The following USH2A variants were observed in gnomAD, a reference collection of about 807,000 sequenced individuals.
The protein encoded by USH2A is usherin.
In USH2A, 443 loss-of-function variants were observed where a neutral mutation model predicts 538.9. The observed-to-expected ratio is 0.82, with a 90% CI of 0.76 to 0.89. The LOEUF (loss-of-function observed/expected upper bound fraction) is 0.89. Among genes scored for constraint, USH2A ranks in the 40% least tolerant of loss-of-function variants. USH2A has a pLI of 0.00. For synonymous variants in USH2A, 2,413 were observed against 2,273.5 expected, an observed-to-expected ratio of 1.06 and a Z score of -1.75; for missense variants, 6,633 against 6,324.8, an observed-to-expected ratio of 1.05 and a Z score of -1.65.
chr1:215,647,966 G>T (rs1656914901), intron 66 of USH2A, among the ~76,000 whole-genome samples: 1 of 152,164 alleles, frequency 6.6e-6, no homozygotes, highest in Non-Finnish European at 1.5e-5. Context: ...CACACACATT[G>T]CTGTTTACCC....
intron 55 of USH2A, among the ~76,000 whole-genome samples, chr1:215,767,812 A>G (rs771306456): frequency 1.3e-5 from 2 of 152,186 alleles, no homozygotes; most frequent in Non-Finnish European, 2.9e-5. Flanking sequence ...AAGCAACTTT[A>G]AAGCTCAGCA....
rs75206702 is a variant in USH2A, at chr1:216,122,486, T to A, written c.4628-25273A>T. ...AGAGTCCAAAGATGAGTGCAGGGGA[T>A]CAACTTTAGTCGAGGGTGCAGCCTG... is the stretch of plus-strand genomic sequence containing the variant. On this transcript the variant is annotated intron_variant, in intron 21 of 71. Coordinates refer to ENST00000307340, the MANE Select transcript of USH2A (RefSeq NM_206933.4). Among the ~76,000 whole-genome samples, 708 of 152,216 alleles carry A rather than the reference T, an allele frequency of 4.7e-3. 4 individuals carry two copies. The highest frequency in any genetic ancestry group is 0.016 in the African/African-American group (671 of 41,536).
chr1:216,175,233 C>G lies in USH2A; in HGVS notation c.4627+19G>C. 6.2e-7 allele frequency: 1 copy of G among 1,613,300 alleles called. No homozygotes were observed. The highest frequency in any genetic ancestry group is 8.5e-7 in the Non-Finnish European group (1 of 1,179,626). On this transcript the variant is annotated intron_variant, in intron 21 of 71. Transcript: ENST00000307340. ...GGAGCTTCGTGTCTCCTAAATAAAG[C>G]AATGTCAAACACACTTACCAGTGAA... is the stretch of plus-strand genomic sequence containing the variant.
At chr1:215,788,976 A>G (rs1661892607) in intron 51 of USH2A, among the ~76,000 whole-genome samples, 1 of 151,318 alleles carries the variant, frequency 6.6e-6, no homozygotes, top group African/African-American at 2.4e-5. Flanking sequence ...CACAGGAAAG[A>G]GGTAAAAGGA....
At chr1:215,754,660 ATAGCTGAT>A (rs59571647) in intron 58 of USH2A, among the ~76,000 whole-genome samples, 7,805 of 152,250 alleles carry the variant, frequency 0.051, 428 homozygotes, top group African/African-American at 0.13. Flanking sequence ...AACACTAACA[ATAGCTGAT>A]GAGCTAAAAC....
At chr1:215,681,476 G>A (rs988638629) in intron 61 of USH2A, among the ~76,000 whole-genome samples, 6 of 152,174 alleles carry the variant, frequency 3.9e-5, no homozygotes, top group African/African-American at 1.4e-4. Flanking sequence ...ATGTTTGAAT[G>A]TGATACATGG....
chr1:216,231,233 CATAT>C (rs370102534), intron 14 of USH2A, among the ~76,000 whole-genome samples: 1 of 49,332 alleles, frequency 2.0e-5, no homozygotes, highest in African/African-American at 7.6e-5. Context: ...ACATATATCC[CATAT>C]ATATATATAT....
intron 3 of USH2A, among the ~76,000 whole-genome samples, chr1:216,407,957 T>C (rs1361634380): frequency 6.6e-6 from 1 of 152,050 alleles, no homozygotes; most frequent in African/African-American, 2.4e-5. Flanking sequence ...CATTGGAACA[T>C]AGTCTTCTAT....
At chr1:215,793,426 G>A (rs536137640) in intron 50 of USH2A, among the ~76,000 whole-genome samples, 2 of 152,130 alleles carry the variant, frequency 1.3e-5, no homozygotes, top group East Asian at 3.9e-4. Flanking sequence ...TAACATTTGT[G>A]GCAGAGCATG....
Position 215,779,901 on chromosome 1 carries a change from C to T in USH2A, c.10881G>A (p.Gln3627=), listed in dbSNP as rs757190680. 4 of 1,614,026 alleles carry T rather than the reference C, an allele frequency of 2.5e-6. No individual in the cohort carries two copies. The Admixed American group carries it at 5.0e-5, about 20-fold the overall frequency. ...NGVIKEYQIR[Q]VGKGLIHTDT... ...CAGTGTGGATGAGACCTTTCCCAAC[C>T]TGCCTGATCTGGTACTCTTTAATGA... The change falls in exon 55 of 72, where the codon CAG becomes CAA. Residue 3627 remains glutamine (Q), a synonymous_variant. Transcript: ENST00000307340.
At chr1:215,745,339 A>C (rs569336998) in intron 58 of USH2A, among the ~76,000 whole-genome samples, 9 of 152,212 alleles carry the variant, frequency 5.9e-5, no homozygotes, top group Non-Finnish European at 1.2e-4. Context: ...TGGGAAATGA[A>C]TAGTGGCTTA....
intron 49 of USH2A, 71 bp from the exon 50 acceptor site, chr1:215,799,196 A>G: frequency 1.4e-6 from 2 of 1,440,194 alleles, no homozygotes; most frequent in Middle Eastern, 2.1e-4. Flanking sequence ...ATTAACTTTT[A>G]TCACAATCAT....
rs2036062637 is a variant in USH2A at position 216,246,969 on chromosome 1, T to G, written c.2425A>C (p.Asn809His). Reference protein sequence around the residue: ...TAGSLPGTVCNAKTGQCICKP... With the variant: ...TAGSLPGTVCHAKTGQCICKP... ...CAGATGCACTGCCCTGTCTTAGCATTACAGACAGTCCCAGGGAGGGATCCA... is the reference window on the plus strand; with the variant it reads ...CAGATGCACTGCCCTGTCTTAGCATGACAGACAGTCCCAGGGAGGGATCCA... Residue 809 changes from asparagine to histidine, a missense_variant, in exon 13 of 72, where the codon AAT becomes CAT. Coordinates refer to ENST00000307340, the MANE Select transcript of USH2A (RefSeq NM_206933.4). 6.2e-7 allele frequency: 1 copy of G among 1,614,112 alleles called. No homozygotes were observed. Among genetic ancestry groups the G allele is most frequent in the Non-Finnish European group, 8.5e-7 (1 of 1,179,992 alleles).
At chr1:216,200,808 T>C (rs1474130461) in intron 16 of USH2A, among the ~76,000 whole-genome samples, 1 of 152,124 alleles carries the variant, frequency 6.6e-6, no homozygotes, top group Non-Finnish European at 1.5e-5. Context: ...GGAAACACAC[T>C]GTAGGACTGC....
At chr1:216,223,422 G>T (rs700015) in intron 14 of USH2A, among the ~76,000 whole-genome samples, 98,975 of 152,004 alleles carry the variant, frequency 0.65, 32,581 homozygotes, top group East Asian at 0.76. Context: ...CCTCTGTGCA[G>T]GTCCTTTGCA....
intron 38 of USH2A, among the ~76,000 whole-genome samples, chr1:215,908,471 TACAA>T (rs1665694965): frequency 6.6e-6 from 1 of 151,806 alleles, no homozygotes. Flanking sequence ...TTTTCCTAAG[TACAA>T]ATATGTTTAT....
At chr1:215,647,041 G>A (rs1468694697) in intron 67 of USH2A, among the ~76,000 whole-genome samples, 1 of 152,186 alleles carries the variant, frequency 6.6e-6, no homozygotes. Context: ...ATCGTTAAGC[G>A]ATGCGTGACT....
intron 21 of USH2A, among the ~76,000 whole-genome samples, chr1:216,133,193 A>G (rs2033412339): frequency 6.6e-6 from 1 of 152,186 alleles, no homozygotes; most frequent in Non-Finnish European, 1.5e-5. Context: ...TGAAAGCAAC[A>G]AAAATCTGGC....
At chr1:215,747,980 CT>C (rs1422244813) in intron 58 of USH2A, among the ~76,000 whole-genome samples, 1 of 150,452 alleles carries the variant, frequency 6.6e-6, no homozygotes, top group Non-Finnish European at 1.5e-5. Flanking sequence ...CAAGCTCCGC[CT>C]CCCGGGTTCA....
Sources: gnomAD v4.1 joint callset for allele counts (sites outside exome capture counted in the v4.1 genomes callset) on GRCh38, gnomAD v4.1.1 for gene constraint, MANE v1.5 for transcripts, NCBI Gene and HGNC (gene_info 2026-07-23, HGNC 2026-07-21) for gene names.